DIPK2A: variants seen among roughly 807,000 people sequenced by gnomAD.
DIPK2A encodes divergent protein kinase domain 2A, also known as Golgi Protein of 49 kDa.
A neutral mutation model predicts 39.0 loss-of-function variants in DIPK2A; 27 were observed. That is an observed-to-expected ratio of 0.69 (90% CI 0.51 to 0.96). The LOEUF is 0.96. Among genes scored for constraint, DIPK2A ranks in the 40% least tolerant of loss-of-function variants. DIPK2A has a pLI of 0.00. For missense variants in DIPK2A, 528 were observed against 571.3 expected, an observed-to-expected ratio of 0.92 and a Z score of 0.77; for synonymous variants, 298 against 240.8, an observed-to-expected ratio of 1.24 and a Z score of -2.20.
At position 143,989,914 on chromosome 3, in the gene DIPK2A, GA is replaced by G. The variant is rs1394261212; in HGVS notation, c.*79del. The G allele has an allele frequency of 7.7e-6, 9 of 1,171,166 alleles. No homozygotes were observed. Among genetic ancestry groups the G allele is most frequent in the Non-Finnish European group, 8.5e-6 (7 of 826,842 alleles). The allele number at this position is 1,171,166 out of a possible 1,614,324, so 72.5% of individuals were successfully genotyped here. A position where few individuals can be genotyped will look rare whatever the true frequency, so the allele number is the denominator to read the frequency against. On this transcript the variant is annotated 3_prime_UTR_variant, in exon 3 of 3. Coordinates refer to ENST00000315691, the MANE Select transcript of DIPK2A (RefSeq NM_173552.5). ...AAACTAAACCACCAAAAAACGATCT[GA>G]AAAAATGAAATTTGGAAGTGTTACA...
intron 1 of DIPK2A, chr3:143,973,548 G>A (rs757205369): frequency 1.3e-6 from 2 of 1,550,894 alleles, no homozygotes. Context: ...GTCGGAGAAC[G>A]GGACAGTGGT....
intron 1 of DIPK2A, among the ~76,000 whole-genome samples, chr3:143,984,555 C>CT (rs1039413034): frequency 1.3e-5 from 2 of 151,882 alleles, no homozygotes; most frequent in Non-Finnish European, 2.9e-5. Context: ...AGTCAGAACA[C>CT]ACACATTTAT....
chr3:143,976,721 T>TGGAA (rs901096169), intron 1 of DIPK2A, among the ~76,000 whole-genome samples: 2 of 152,076 alleles, frequency 1.3e-5, no homozygotes, highest in African/African-American at 4.8e-5. Flanking sequence ...TTACTATTTG[T>TGGAA]GGAACTTCAT....
At position 143,972,782 on chromosome 3, in the gene DIPK2A, C is replaced by G; in HGVS notation, c.450C>G (p.Asn150Lys). 1 of 1,568,796 alleles carries G rather than the reference C, an allele frequency of 6.4e-7. No homozygotes were observed. The highest frequency in any genetic ancestry group is 1.1e-5 in the South Asian group (1 of 86,974). ...AMPRTEFARL[N>K]GDVRLLTPEA... ...CCCGGACCGAGTTCGCGCGCCTCAA[C>G]GGCGACGTGCGTCTGCTCACGCCCG... The change falls in exon 1 of 3, where the codon AAC (asparagine) becomes AAG (lysine). Residue 150 changes from asparagine to lysine, a missense_variant. Around this residue, in one of 2 missense-constraint regions of DIPK2A, gnomAD observed 309 missense variants for 289.8 expected, o/e 1.07. Coordinates refer to ENST00000315691, the MANE Select transcript of DIPK2A (RefSeq NM_173552.5).
chr3:143,978,646 A>ATATATATATATATATATC (rs2087776489), intron 1 of DIPK2A: 2 of 40,036 alleles, frequency 5.0e-5, no homozygotes, highest in South Asian at 1.5e-3. Context: ...ATATCTATAT[A>ATATATATATATATATATC]TATATATATA....
rs1399437481 is a variant in DIPK2A at position 143,972,137 on chromosome 3, G to A, written c.-196G>A. The A allele has an allele frequency of 7.0e-6, 3 of 425,774 alleles. No homozygotes were observed. Among genetic ancestry groups the A allele is most frequent in the Non-Finnish European group, 1.2e-5 (3 of 247,328 alleles). 26.4% of individuals were successfully genotyped at this position (425,774 alleles called of 1,614,324 possible). On this transcript the variant is annotated 5_prime_UTR_variant, in exon 1 of 3. Transcript: ENST00000315691. Reference sequence around the variant, plus strand: ...GAGTTGTGGAGACTAGTGACTGGGAGAAGTCGCAGCCCGCTCAGGCCCGCG... The same window carrying A: ...GAGTTGTGGAGACTAGTGACTGGGAAAAGTCGCAGCCCGCTCAGGCCCGCG...
Position 143,989,739 on chromosome 3 carries a change from C to T in DIPK2A, c.1191C>T (p.Ala397=), listed in dbSNP as rs1217582157. The T allele has an allele frequency of 6.2e-7, 1 of 1,614,138 alleles. No individual in the cohort carries two copies. The highest frequency in any genetic ancestry group is 1.1e-5 in the South Asian group (1 of 91,090). Residue 397 remains alanine (A), a synonymous_variant, in exon 3 of 3, where the codon GCC becomes GCT. Coordinates refer to ENST00000315691, the MANE Select transcript of DIPK2A (RefSeq NM_173552.5). ...SEIAKDGRLE[A]LLDECANPKK... ...TTGCCAAAGATGGCCGGCTCGAGGCCTTGCTGGATGAGTGTGCCAACCCAA... is the reference window on the plus strand; with the variant it reads ...TTGCCAAAGATGGCCGGCTCGAGGCTTTGCTGGATGAGTGTGCCAACCCAA...
intron 1 of DIPK2A, among the ~76,000 whole-genome samples, chr3:143,980,661 G>A (rs2087815609): frequency 1.3e-5 from 2 of 150,890 alleles, no homozygotes; most frequent in Non-Finnish European, 2.9e-5. Flanking sequence ...TGCCAGTTAT[G>A]TAGAAAATCG....
At chr3:143,988,023 T>G (rs752490259) in intron 2 of DIPK2A, among the ~76,000 whole-genome samples, 1 of 152,184 alleles carries the variant, frequency 6.6e-6, no homozygotes. Context: ...TGACTTCCCA[T>G]TGTTCTGGAA....
At position 143,978,624 on chromosome 3, in the gene DIPK2A, A is replaced by ATC. The variant is rs2087769731; in HGVS notation, c.657+5636_657+5637insCT. 11 of 32,580 alleles carry ATC rather than the reference A, an allele frequency of 3.4e-4. No homozygotes were observed. The South Asian group carries it at 8.1e-3, about 24-fold the overall frequency. The allele number at this position is 32,580 out of a possible 1,614,324, so 2.0% of individuals were successfully genotyped here. ...TATCTATATATATATATCTATATCT[A>ATC]TATATATATATATATCTATATATAT... On this transcript the variant is annotated intron_variant, in intron 1 of 2. Coordinates refer to ENST00000315691, the MANE Select transcript of DIPK2A (RefSeq NM_173552.5).
chr3:143,973,557 G>T, intron 1 of DIPK2A: 1 of 1,547,248 alleles, frequency 6.5e-7, no homozygotes, highest in Non-Finnish European at 8.7e-7. Flanking sequence ...CGGGACAGTG[G>T]TCGGGGTGGG....
At chr3:143,987,482 A>C (rs1364347822) in intron 2 of DIPK2A, among the ~76,000 whole-genome samples, 1 of 152,200 alleles carries the variant, frequency 6.6e-6, no homozygotes, top group Non-Finnish European at 1.5e-5. Flanking sequence ...GTCACTTTGC[A>C]AAAGTCTCTG....
rs1405533895 is a variant in DIPK2A, at chr3:143,989,498, C to A, written c.962-12C>A. 3 of 1,570,248 alleles carry A rather than the reference C, an allele frequency of 1.9e-6. No homozygotes were observed. The highest frequency in any genetic ancestry group is 2.6e-6 in the Non-Finnish European group (3 of 1,157,828). On this transcript the variant is annotated splice_polypyrimidine_tract_variant and intron_variant, in intron 2 of 2. Coordinates refer to ENST00000315691, the MANE Select transcript of DIPK2A (RefSeq NM_173552.5). ...AAATTTTTTTCTACTTCTGCTTTTCCTCCTTTCACAGATAAACCTGAAAAT... is the reference window on the plus strand; with the variant it reads ...AAATTTTTTTCTACTTCTGCTTTTCATCCTTTCACAGATAAACCTGAAAAT...
At position 143,973,459 on chromosome 3, in the gene DIPK2A, G is replaced by A. The variant is rs1576804651; in HGVS notation, c.657+470G>A. 5 of 1,551,302 alleles carry A rather than the reference G, an allele frequency of 3.2e-6. No homozygotes were observed. In the East Asian group the frequency reaches 1.2e-4, roughly 38 times the overall value. On this transcript the variant is annotated intron_variant, in intron 1 of 2. Transcript: ENST00000315691. Reference sequence around the variant, plus strand: ...GGCGCTGGTGGCTGGCCTAACTTCGGTCTCAGAGTCTTTGTTTTCGCTCAT... The same window carrying A: ...GGCGCTGGTGGCTGGCCTAACTTCGATCTCAGAGTCTTTGTTTTCGCTCAT...
rs1170694269 is a variant in DIPK2A at position 143,991,334 on chromosome 3, G to A, written c.*1493G>A. The A allele has an allele frequency of 2.6e-5, 4 of 152,546 alleles. No individual in the cohort carries two copies. Among genetic ancestry groups the A allele is most frequent in the Non-Finnish European group, 4.4e-5 (3 of 67,990 alleles). 9.4% of individuals were successfully genotyped at this position (152,546 alleles called of 1,614,324 possible). On this transcript the variant is annotated 3_prime_UTR_variant, in exon 3 of 3. Transcript: ENST00000315691. ...TTATTAAGCATCAACTCTGTGCCAGGCACGTTACTAGCTGCTACATACTGT... is the reference window on the plus strand; with the variant it reads ...TTATTAAGCATCAACTCTGTGCCAGACACGTTACTAGCTGCTACATACTGT...
intron 2 of DIPK2A, chr3:143,986,089 A>C (rs1006833446): frequency 9.6e-5 from 45 of 466,792 alleles, no homozygotes; most frequent in Admixed American, 3.1e-4. Context: ...AACCTACGGG[A>C]CATCATAGCT....
At chr3:143,987,500 A>G (rs1305470653) in intron 2 of DIPK2A, among the ~76,000 whole-genome samples, 1 of 152,106 alleles carries the variant, frequency 6.6e-6, no homozygotes, top group Non-Finnish European at 1.5e-5. Flanking sequence ...CTGTCTGTTC[A>G]TTTACTCTCT....
rs1050678029 is a variant in DIPK2A, at chr3:143,990,741, A to G, written c.*900A>G. 1 of 152,614 alleles carries G rather than the reference A, an allele frequency of 6.6e-6. No individual in the cohort carries two copies. The allele number at this position is 152,614 out of a possible 1,614,324, so 9.5% of individuals were successfully genotyped here. ...GTCCAAGATAGTAATGCATATGCCA[A>G]AGAAATATTACACCTAATCTCATGT... On this transcript the variant is annotated 3_prime_UTR_variant, in exon 3 of 3. Coordinates refer to ENST00000315691, the MANE Select transcript of DIPK2A (RefSeq NM_173552.5).
At position 143,978,598 on chromosome 3, in the gene DIPK2A, CTATCTA is replaced by C. The variant is rs1559853974; in HGVS notation, c.657+5613_657+5618del. ...ACAAAAGGTATCTATATCTATCTAT[CTATCTA>C]TATATATATATCTATATCTATATAT... On this transcript the variant is annotated intron_variant, in intron 1 of 2. Coordinates refer to ENST00000315691, the MANE Select transcript of DIPK2A (RefSeq NM_173552.5). The C allele has an allele frequency of 8.8e-4, 49 of 55,564 alleles. No individual in the cohort carries two copies. The African/African-American group carries it at 9.2e-3, about 10-fold the overall frequency. 3.4% of individuals were successfully genotyped at this position (55,564 alleles called of 1,614,324 possible).
Sources: gnomAD v4.1 joint callset for allele counts (sites outside exome capture counted in the v4.1 genomes callset) on GRCh38, gnomAD v4.1.1 for gene constraint, gnomAD v4.1.1 regional missense constraint, MANE v1.5 for transcripts, NCBI Gene and HGNC (gene_info 2026-07-23, HGNC 2026-07-21) for gene names.